The following TMEM150B variants were observed in gnomAD, a reference collection of about 807,000 sequenced individuals.
TMEM150B encodes modulator of macroautophagy TMEM150B.
Under a neutral mutation model 25.2 loss-of-function variants are expected in TMEM150B, and 33 were observed. The observed-to-expected ratio is 1.31, with a 90% confidence interval of 0.99 to 1.75. The LOEUF (loss-of-function observed/expected upper bound fraction) is 1.75. TMEM150B is among the 40% of genes most tolerant of loss of function. TMEM150B has a pLI of 0.00. For synonymous variants in TMEM150B, 133 were observed against 134.8 expected, an observed-to-expected ratio of 0.99 and a Z score of 0.09; for missense variants, 322 against 306.1, an observed-to-expected ratio of 1.05 and a Z score of -0.39.
downstream of TMEM150B, chr19:55,312,143 A>G: frequency 3.1e-6 from 2 of 651,914 alleles, no homozygotes; most frequent in South Asian, 4.4e-5. Flanking sequence ...TCTGTAAATA[A>G]GGCCCAAGGA....
At chr19:55,312,226 A>G (rs558221749), downstream of TMEM150B, 7 of 386,866 alleles carry the variant, frequency 1.8e-5, no homozygotes, top group East Asian at 2.5e-4. Flanking sequence ...GCCGTGCCCA[A>G]CTGGGGGTGG....
chr19:55,312,097 C>CCT, downstream of TMEM150B: 2 of 1,060,688 alleles, frequency 1.9e-6, no homozygotes, highest in Non-Finnish European at 2.6e-6. Flanking sequence ...GGAGGGGACC[C>CCT]CCCTCCACCC....
intron 7 of TMEM150B, among the ~76,000 whole-genome samples, chr19:55,313,333 C>G (rs1229405639): frequency 6.6e-6 from 1 of 152,102 alleles, no homozygotes; most frequent in Non-Finnish European, 1.5e-5. Flanking sequence ...CTTCCCTGAC[C>G]CAGGGAAGGG....
At chr19:55,319,833 T>TA in intron 6 of TMEM150B, 1 of 1,407,298 alleles carries the variant, frequency 7.1e-7, no homozygotes, top group East Asian at 2.6e-5. Flanking sequence ...AAGTCCTACA[T>TA]ACAAACAGCC....
intron 6 of TMEM150B, 108 bp downstream of exon 6, chr19:55,319,931 G>C (rs752325090): frequency 1.3e-6 from 2 of 1,543,720 alleles, no homozygotes; most frequent in Non-Finnish European, 1.7e-6. Context: ...CAGGAGGGCC[G>C]GGCGGGAACC....
At chr19:55,311,918 G>A (rs769503811), downstream of TMEM150B, 14 of 1,611,620 alleles carry the variant, frequency 8.7e-6, no homozygotes, top group Non-Finnish European at 1.2e-5. Context: ...CAGACGAGAA[G>A]AACGGGGCCC....
At chr19:55,322,439 A>C (rs990563163) in intron 2 of TMEM150B, among the ~76,000 whole-genome samples, 15 of 152,072 alleles carry the variant, frequency 9.9e-5, no homozygotes, top group African/African-American at 3.6e-4. Flanking sequence ...GATTGTGGCC[A>C]CGGCCTCTGG....
chr19:55,313,555 C>G (rs1337054860), intron 7 of TMEM150B, among the ~76,000 whole-genome samples: 1 of 152,164 alleles, frequency 6.6e-6, no homozygotes, highest in Non-Finnish European at 1.5e-5. Context: ...ATCTGTTTCT[C>G]TGAGTGTCCC....
At position 55,320,623 on chromosome 19, in the gene TMEM150B, G is replaced by A; in HGVS notation, c.69-6C>T. ...TGGTCACTGCAATGGCAAAACTACG[G>A]AGGAAATCAGAGTGAGTGGGCGACT... On this transcript the variant is annotated splice_region_variant and splice_polypyrimidine_tract_variant and intron_variant, in intron 3 of 7. Coordinates refer to ENST00000326652, the MANE Select transcript of TMEM150B (RefSeq NM_001282011.2). 1 of 1,612,774 alleles carries A rather than the reference G, an allele frequency of 6.2e-7. No homozygotes were observed. Among genetic ancestry groups the A allele is most frequent in the Non-Finnish European group, 8.5e-7 (1 of 1,179,036 alleles).
At chr19:55,313,164 C>T in intron 7 of TMEM150B, 109 bp from the exon 8 acceptor site, 1 of 1,132,814 alleles carries the variant, frequency 8.8e-7, no homozygotes, top group Non-Finnish European at 1.2e-6. Context: ...TCCCCATCCT[C>T]AGCTCTCCCC....
chr19:55,316,747 A>C, intron 7 of TMEM150B, 39 bp downstream of exon 7: 1 of 1,434,110 alleles, frequency 7.0e-7, no homozygotes, highest in Admixed American at 3.2e-5. Flanking sequence ...TCCAGTGAAG[A>C]GCCACCTCCA....
chr19:55,315,801 G>A (rs1181228428), intron 7 of TMEM150B, among the ~76,000 whole-genome samples: 1 of 151,710 alleles, frequency 6.6e-6, no homozygotes, highest in African/African-American at 2.4e-5. Context: ...TGGTTGGCAG[G>A]TGCCTGTAGT....
chr19:55,312,557 A>AT (rs2088832426), downstream of TMEM150B: 1 of 260,924 alleles, frequency 3.8e-6, no homozygotes, highest in Non-Finnish European at 7.1e-6. Flanking sequence ...AAAAAAAAAA[A>AT]AAAAAGATAA....
rs1328076873 is a variant in TMEM150B at position 55,320,101 on chromosome 19, G to C, written c.262C>G (p.Gln88Glu). The part of the protein sequence containing the change: ...RDWGVRRWPN[Q>E]LILWTGLLCA... ...AGAAGACCCGTCCATAGGATCAGCTGGTTAGGCCACCTTCTGACGCCCCAG... is the reference window on the plus strand; with the variant it reads ...AGAAGACCCGTCCATAGGATCAGCTCGTTAGGCCACCTTCTGACGCCCCAG... Residue 88 changes from glutamine (Q) to glutamate (E), a missense_variant, in exon 6 of 8, where the codon CAG becomes GAG. Coordinates refer to ENST00000326652, the MANE Select transcript of TMEM150B (RefSeq NM_001282011.2). The C allele has an allele frequency of 6.2e-7, 1 of 1,614,164 alleles. No homozygotes were observed. The highest frequency in any genetic ancestry group is 2.2e-5 in the East Asian group (1 of 44,880).
chr19:55,323,012 A>G (rs2089246536), intron 1 of TMEM150B, among the ~76,000 whole-genome samples: 1 of 152,058 alleles, frequency 6.6e-6, no homozygotes, highest in South Asian at 2.1e-4. Context: ...TCCTTCCCCA[A>G]AATGCAGGAG....
In TMEM150B at chr19:55,312,949, G is replaced by A. The variant is rs200203624; in HGVS notation, c.612C>T (p.Ser204=). 1.1e-5 allele frequency: 17 copies of A among 1,613,226 alleles called. No homozygotes were observed. Among genetic ancestry groups the A allele is most frequent in the East Asian group, 8.9e-5 (4 of 44,854 alleles). The change falls in exon 8 of 8, where the codon TCC becomes TCT. Residue 204 remains serine, a synonymous_variant. Coordinates refer to ENST00000326652, the MANE Select transcript of TMEM150B (RefSeq NM_001282011.2). ...CACACAGGGTGCAGCTCTCCAGGGCGGAGAAGTCAACGGCTAAGAGACCGA... is the reference window on the plus strand; with the variant it reads ...CACACAGGGTGCAGCTCTCCAGGGCAGAGAAGTCAACGGCTAAGAGACCGA... ...ALFGLLAVDF[S]ALESCTLCVQ...
At position 55,316,960 on chromosome 19, in the gene TMEM150B, T is replaced by G. The variant is rs1418068946; in HGVS notation, c.331A>C (p.Asn111His). ...TSVVGNFQEK[N>H]QRPTHLAGAF... ...CCTGCCAAGTGCGTAGGCCGCTGGT[T>G]CTTTTCCTGGGAGGAGAAGGGAGAA... is the stretch of plus-strand genomic sequence containing the variant. The change falls in exon 7 of 8, where the codon AAC (asparagine) becomes CAC (histidine). Residue 111 changes from asparagine (N) to histidine (H), a missense_variant. By Grantham distance (68) the Asn-to-His change is moderately conservative. Transcript: ENST00000326652. The G allele has an allele frequency of 6.3e-7, 1 of 1,597,756 alleles. No homozygotes were observed.
chr19:55,319,695 C>T (rs991171645), intron 6 of TMEM150B: 11 of 1,053,694 alleles, frequency 1.0e-5, no homozygotes, highest in Admixed American at 9.8e-5. Context: ...GGCGATCCGC[C>T]TGCCTCCGCC....
rs150633365 is a variant in TMEM150B, at chr19:55,320,420, C to A, written c.167G>T (p.Ser56Ile). Residue 56 changes from serine (S) to isoleucine (I), a missense_variant, in exon 5 of 8, where the codon AGC becomes ATC. Physicochemically the swap from Ser to Ile is moderately radical, Grantham distance 142 (BLOSUM62 -2). Coordinates refer to ENST00000326652, the MANE Select transcript of TMEM150B (RefSeq NM_001282011.2). ...GSFPPQSCIF[S>I]QVLNMGAALA... ...AGCAGCTCCCATATTGAGCACCTGG[C>A]TGAAGATGCAGCTCTGAGGGGGGAA... 19 of 1,577,086 alleles carry A rather than the reference C, an allele frequency of 1.2e-5. No individual in the cohort carries two copies. Among genetic ancestry groups the A allele is most frequent in the Admixed American group, 1.8e-5 (1 of 56,040 alleles).
Sources: gnomAD v4.1 joint callset for allele counts (sites outside exome capture counted in the v4.1 genomes callset) on GRCh38, gnomAD v4.1.1 for gene constraint, MANE v1.5 for transcripts, NCBI Gene and HGNC (gene_info 2026-07-23, HGNC 2026-07-21) for gene names.